The following ERBB4 variants were observed in gnomAD, a reference collection of about 807,000 sequenced individuals.
The protein encoded by ERBB4 is erb-b2 receptor tyrosine kinase 4.
A neutral mutation model predicts 158.0 loss-of-function variants in ERBB4; 42 were observed. The ratio of observed to expected loss-of-function variants is 0.27; its 90% CI spans 0.21 to 0.34. ERBB4 has a LOEUF of 0.34. Among genes scored for constraint, ERBB4 ranks in the 10% least tolerant of loss-of-function variants. ERBB4 has a pLI of 1.00. For missense variants in ERBB4, 1,333 were observed against 1,624.1 expected (o/e 0.82, Z 3.08); for synonymous variants, 583 against 558.7 (o/e 1.04, Z -0.61).
intron 3 of ERBB4, among the ~76,000 whole-genome samples, chr2:211,909,444 G>C (rs960541866): frequency 2.0e-5 from 3 of 151,656 alleles, no homozygotes; most frequent in African/African-American, 7.3e-5. Context: ...AAACCTAGAT[G>C]GTATAGCCTA....
intron 20 of ERBB4, among the ~76,000 whole-genome samples, chr2:211,434,817 G>GTATC (rs951100482): frequency 1.3e-5 from 2 of 152,150 alleles, no homozygotes; most frequent in Non-Finnish European, 2.9e-5. Context: ...AAGAACGTAA[G>GTATC]TATCTATATC....
intron 3 of ERBB4, among the ~76,000 whole-genome samples, chr2:211,871,723 A>C (rs2078350776): frequency 6.6e-6 from 1 of 152,198 alleles, no homozygotes; most frequent in Non-Finnish European, 1.5e-5. Flanking sequence ...TTCCATCATA[A>C]ACCAAAAATA....
chr2:211,941,985 G>A (rs2080512560), intron 3 of ERBB4, among the ~76,000 whole-genome samples: 2 of 152,054 alleles, frequency 1.3e-5, no homozygotes, highest in Admixed American at 6.6e-5. Flanking sequence ...CAGTTTTCAA[G>A]ATAAAGAATC....
At chr2:211,888,724 T>C (rs1444011716) in intron 3 of ERBB4, among the ~76,000 whole-genome samples, 20 of 151,992 alleles carry the variant, frequency 1.3e-4, no homozygotes, top group Non-Finnish European at 1.2e-4. Flanking sequence ...GGGCGAGGCA[T>C]TGCCTCACCT....
intron 1 of ERBB4, among the ~76,000 whole-genome samples, chr2:212,128,580 A>T (rs1052041966): frequency 2.0e-5 from 3 of 152,248 alleles, no homozygotes; most frequent in African/African-American, 7.2e-5. Flanking sequence ...CATATTATCA[A>T]TACCATCAAG....
At chr2:212,093,141 T>C (rs1480515849) in intron 2 of ERBB4, among the ~76,000 whole-genome samples, 4 of 152,168 alleles carry the variant, frequency 2.6e-5, no homozygotes, top group Non-Finnish European at 5.9e-5. Flanking sequence ...GCAGGAACTA[T>C]AACTTCAGAA....
intron 12 of ERBB4, among the ~76,000 whole-genome samples, chr2:211,697,290 A>G (rs1274031159): frequency 6.6e-6 from 1 of 152,158 alleles, no homozygotes; most frequent in East Asian, 1.9e-4. Context: ...CCATATTCCA[A>G]TCAGGAAATT....
At chr2:211,466,663 G>A (rs1449537368) in intron 20 of ERBB4, among the ~76,000 whole-genome samples, 4 of 152,074 alleles carry the variant, frequency 2.6e-5, no homozygotes, top group South Asian at 2.1e-4. Flanking sequence ...TAACTGCAAT[G>A]AATTCAGTGA....
intron 2 of ERBB4, among the ~76,000 whole-genome samples, chr2:212,111,618 C>A (rs915115896): frequency 2.9e-5 from 4 of 137,582 alleles, no homozygotes; most frequent in Non-Finnish European, 4.9e-5. Flanking sequence ...AATACCTTCT[C>A]CTTTTTCTCT....
intron 2 of ERBB4, among the ~76,000 whole-genome samples, chr2:211,956,505 G>C (rs778335473): frequency 6.6e-6 from 1 of 151,908 alleles, no homozygotes; most frequent in Non-Finnish European, 1.5e-5. Flanking sequence ...ATCTTAGTTT[G>C]ACTCCTGTCT....
chr2:211,704,874 A>C (rs1173403171), intron 10 of ERBB4, among the ~76,000 whole-genome samples: 1 of 152,178 alleles, frequency 6.6e-6, no homozygotes, highest in African/African-American at 2.4e-5. Flanking sequence ...TAAAAATAAC[A>C]TGAGTTTTTA....
intron 1 of ERBB4, among the ~76,000 whole-genome samples, chr2:212,202,384 T>A (rs2082613349): frequency 6.6e-6 from 1 of 152,176 alleles, no homozygotes; most frequent in African/African-American, 2.4e-5. Flanking sequence ...AGGGTCTCAC[T>A]GTCTCCCAGG....
At chr2:211,772,934 T>TACACAC in intron 4 of ERBB4, among the ~76,000 whole-genome samples, 1 of 79,932 alleles carries the variant, frequency 1.3e-5, no homozygotes, top group South Asian at 5.4e-4. Context: ...CATATATATA[T>TACACAC]ATATATATAT....
intron 18 of ERBB4, among the ~76,000 whole-genome samples, chr2:211,621,818 G>T (rs1242865194): frequency 6.6e-6 from 1 of 151,502 alleles, no homozygotes; most frequent in African/African-American, 2.4e-5. Flanking sequence ...ACATAAATTT[G>T]CCTACTTGCT....
chr2:211,579,767 G>A (rs1278955346), intron 19 of ERBB4, among the ~76,000 whole-genome samples: 4 of 151,938 alleles, frequency 2.6e-5, no homozygotes, highest in African/African-American at 9.7e-5. Context: ...ATAGACACAG[G>A]GAGAGGAAAA....
chr2:211,525,569 A>G (rs2066323659), intron 20 of ERBB4, among the ~76,000 whole-genome samples: 1 of 152,132 alleles, frequency 6.6e-6, no homozygotes, highest in Non-Finnish European at 1.5e-5. Flanking sequence ...TGGGCCTTAG[A>G]TGAGACTCTG....
At chr2:211,684,569 G>T (rs2072488081) in intron 12 of ERBB4, among the ~76,000 whole-genome samples, 1 of 152,166 alleles carries the variant, frequency 6.6e-6, no homozygotes, top group South Asian at 2.1e-4. Flanking sequence ...CCTCATAGTT[G>T]TTTGCTTTTG....
chr2:212,348,605 A>T (rs1289856575), intron 1 of ERBB4, among the ~76,000 whole-genome samples: 1 of 152,160 alleles, frequency 6.6e-6, no homozygotes, highest in East Asian at 1.9e-4. Context: ...TAAAAATAAA[A>T]ATGTAAAAAT....
At chr2:212,067,550 C>T (rs1199352378) in intron 2 of ERBB4, among the ~76,000 whole-genome samples, 1 of 151,930 alleles carries the variant, frequency 6.6e-6, no homozygotes, top group Non-Finnish European at 1.5e-5. Context: ...CAAAACTGGA[C>T]AGCATTATGT....
Sources: gnomAD v4.1 joint callset for allele counts (sites outside exome capture counted in the v4.1 genomes callset) on GRCh38, gnomAD v4.1.1 for gene constraint, MANE v1.5 for transcripts, NCBI Gene and HGNC (gene_info 2026-07-23, HGNC 2026-07-21) for gene names.